Variants in SLC33A1 observed in about 807,000 individuals in gnomAD.
SLC33A1 encodes the protein solute carrier family 33 member 1.
A neutral mutation model predicts 50.0 loss-of-function variants in SLC33A1; 20 were observed. The observed-to-expected ratio is 0.40, with a 90% CI of 0.28 to 0.58. SLC33A1 has a LOEUF of 0.58. SLC33A1 is among the 20% of genes least tolerant of loss of function. SLC33A1 has a pLI of 0.44. For missense variants in SLC33A1, 476 were observed against 657.0 expected (o/e 0.72, Z 3.01); for synonymous variants, 265 against 251.8 (o/e 1.05, Z -0.50).
In SLC33A1 at chr3:155,822,034, A is replaced by C. The variant is rs1206104236; in HGVS notation, c.*6176T>G. 6.6e-6 allele frequency: 1 copy of C among 152,022 alleles called. No individual in the cohort carries two copies. The highest frequency in any genetic ancestry group is 6.6e-5 in the Admixed American group (1 of 15,238). The allele number at this position is 152,022 out of a possible 1,614,324, so 9.4% of individuals were successfully genotyped here. ...GTGATTCTCCTGCCTAAGCCTCCCA[A>C]ACTAATGGGACTACAGGTGTAAGCC... On this transcript the variant is annotated 3_prime_UTR_variant, in exon 6 of 6. Transcript: ENST00000643144.
In SLC33A1 at chr3:155,853,967, T is replaced by G. The variant is rs764800940; in HGVS notation, c.31A>C (p.Ser11Arg). Reference sequence around the variant, plus strand: ...AAATTCCCTGGCCGCCGTTGCCGGCTGCTGTCCTTGTGGGAGATGGTGGGT... The same window carrying G: ...AAATTCCCTGGCCGCCGTTGCCGGCGGCTGTCCTTGTGGGAGATGGTGGGT... Reference protein sequence around the residue: MSPTISHKDSSRQRRPGNFSH... With the variant: MSPTISHKDSRRQRRPGNFSH... The change falls in exon 1 of 6, where the codon AGC (serine) becomes CGC (arginine). Residue 11 changes from serine to arginine, a missense_variant. Transcript: ENST00000643144. The G allele has an allele frequency of 3.0e-5, 46 of 1,543,978 alleles. No individual in the cohort carries two copies. The highest frequency in any genetic ancestry group is 3.9e-5 in the Non-Finnish European group (45 of 1,150,840).
intron 4 of SLC33A1, among the ~76,000 whole-genome samples, chr3:155,831,305 A>C (rs191211597): frequency 6.6e-6 from 1 of 151,834 alleles, no homozygotes; most frequent in Non-Finnish European, 1.5e-5. Context: ...AAAATACAAA[A>C]ATCAGCTGGG....
Position 155,829,751 on chromosome 3 carries a change from G to T in SLC33A1, c.1419C>A (p.Pro473=). 2 of 1,614,022 alleles carry T rather than the reference G, an allele frequency of 1.2e-6. No homozygotes were observed. Among genetic ancestry groups the T allele is most frequent in the Non-Finnish European group, 8.5e-7 (1 of 1,179,980 alleles). The part of the protein sequence containing the change: ...PSTVALWLVD[P]LTVKECVGAS... ...CTCCTACACACTCTTTTACTGTGAG[G>T]GGATCTACAAGCCAAAGAGCTACTG... is the stretch of plus-strand genomic sequence containing the variant. Residue 473 remains proline (P), a synonymous_variant, in exon 5 of 6, where the codon CCC becomes CCA. Transcript: ENST00000643144.
intron 1 of SLC33A1, among the ~76,000 whole-genome samples, chr3:155,846,597 G>A (rs1327752907): frequency 6.6e-6 from 1 of 151,910 alleles, no homozygotes; most frequent in African/African-American, 2.4e-5. Flanking sequence ...GGGATTATAG[G>A]CATGCACCAC....
chr3:155,836,089 T>A (rs542775730), intron 2 of SLC33A1, among the ~76,000 whole-genome samples: 4 of 150,962 alleles, frequency 2.6e-5, no homozygotes, highest in Non-Finnish European at 5.9e-5. Context: ...TTTGAGACCA[T>A]CCTGGCCAAC....
At chr3:155,851,185 G>A (rs1753385305) in intron 1 of SLC33A1, among the ~76,000 whole-genome samples, 1 of 151,898 alleles carries the variant, frequency 6.6e-6, no homozygotes, top group Non-Finnish European at 1.5e-5. Context: ...AAATCGCAGT[G>A]AGCTGAGGTC....
intron 2 of SLC33A1, 48 bp downstream of exon 2, chr3:155,842,384 T>C (rs1181782565): frequency 4.2e-6 from 5 of 1,188,950 alleles, no homozygotes; most frequent in East Asian, 2.4e-5. Flanking sequence ...TATTCCATGA[T>C]ATTGATACTT....
chr3:155,839,947 A>C (rs1202743053), intron 2 of SLC33A1, among the ~76,000 whole-genome samples: 4 of 152,106 alleles, frequency 2.6e-5, no homozygotes, highest in African/African-American at 9.7e-5. Flanking sequence ...TCAGTCTCAA[A>C]ATAAAATAAA....
In SLC33A1 at chr3:155,827,655, T is replaced by C. The variant is rs1752241867; in HGVS notation, c.*555A>G. ...TTAACACAGATTCATTTGTACAATG[T>C]GGTCATAAGAAAAATAACTAAAATG... On this transcript the variant is annotated 3_prime_UTR_variant, in exon 6 of 6. Coordinates refer to ENST00000643144, the MANE Select transcript of SLC33A1 (RefSeq NM_004733.4). The C allele has an allele frequency of 6.5e-6, 1 of 152,678 alleles. No homozygotes were observed. The highest frequency in any genetic ancestry group is 1.5e-5 in the Non-Finnish European group (1 of 68,386). 9.5% of individuals were successfully genotyped at this position (152,678 alleles called of 1,614,324 possible). A position where few individuals can be genotyped will look rare whatever the true frequency, so the allele number is the denominator to read the frequency against.
At chr3:155,842,251 A>C (rs995220260) in intron 2 of SLC33A1, among the ~76,000 whole-genome samples, 181 bp downstream of exon 2, 7 of 152,330 alleles carry the variant, frequency 4.6e-5, no homozygotes, top group East Asian at 1.9e-4. Context: ...AGCTTACTTT[A>C]AAATTAAAGT....
rs2109297106 is a variant in SLC33A1, at chr3:155,823,400, T to G, written c.*4810A>C. 1 of 152,306 alleles carries G rather than the reference T, an allele frequency of 6.6e-6. No individual in the cohort carries two copies. The highest frequency in any genetic ancestry group is 2.1e-4 in the South Asian group (1 of 4,828). The allele number at this position is 152,306 out of a possible 1,614,324, so 9.4% of individuals were successfully genotyped here. A position where few individuals can be genotyped will look rare whatever the true frequency, so the allele number is the denominator to read the frequency against. ...CTAAAGTAAAAAGAGCCAGCAGCGG[T>G]GGCTCACGCCTGTAATCCCAGCACT... is the stretch of plus-strand genomic sequence containing the variant. On this transcript the variant is annotated 3_prime_UTR_variant, in exon 6 of 6. Transcript: ENST00000643144.
rs573724984 is a variant in SLC33A1, at chr3:155,831,085, A to G, written c.1267-1182T>C. ...TTTACAACATACACTCCTTGAGGGCAGGGATTTGGGCATGATTTATTAAGT... is the reference window on the plus strand; with the variant it reads ...TTTACAACATACACTCCTTGAGGGCGGGGATTTGGGCATGATTTATTAAGT... On this transcript the variant is annotated intron_variant, in intron 4 of 5. Coordinates refer to ENST00000643144, the MANE Select transcript of SLC33A1 (RefSeq NM_004733.4). Among the ~76,000 whole-genome samples the G allele has an allele frequency of 2.0e-5, 3 of 152,276 alleles. No individual in the cohort carries two copies. In the South Asian group the frequency reaches 6.2e-4, roughly 32 times the overall value.
At chr3:155,847,825 G>C (rs1404182370) in intron 1 of SLC33A1, among the ~76,000 whole-genome samples, 1 of 152,096 alleles carries the variant, frequency 6.6e-6, no homozygotes, top group East Asian at 1.9e-4. Context: ...ATTGTCATTA[G>C]TTTGGTTAGA....
At chr3:155,852,286 C>CA (rs1399483102) in intron 1 of SLC33A1, among the ~76,000 whole-genome samples, 1 of 151,650 alleles carries the variant, frequency 6.6e-6, no homozygotes, top group Non-Finnish European at 1.5e-5. Flanking sequence ...AGTGAGACAG[C>CA]CCCCCCGACC....
chr3:155,854,081 C>T lies in SLC33A1; in HGVS notation c.-84G>A, dbSNP rs1753529313. 8.5e-7 allele frequency: 1 copy of T among 1,181,954 alleles called. No individual in the cohort carries two copies. The highest frequency in any genetic ancestry group is 2.9e-5 in the Admixed American group (1 of 34,400). 73.2% of individuals were successfully genotyped at this position (1,181,954 alleles called of 1,614,324 possible). On this transcript the variant is annotated 5_prime_UTR_variant, in exon 1 of 6. Coordinates refer to ENST00000643144, the MANE Select transcript of SLC33A1 (RefSeq NM_004733.4). ...TCCAGTCCCAGGTCCAAGGCTGTCGCGCTGGACCAGGGTTTCGGTGGTTCA... is the reference window on the plus strand; with the variant it reads ...TCCAGTCCCAGGTCCAAGGCTGTCGTGCTGGACCAGGGTTTCGGTGGTTCA...
chr3:155,840,181 G>A (rs758554242), intron 2 of SLC33A1, among the ~76,000 whole-genome samples: 28 of 151,098 alleles, frequency 1.9e-4, no homozygotes, highest in South Asian at 2.1e-4. Context: ...TCCGCCTCCC[G>A]GGTTCCAGCG....
rs780342840 is a variant in SLC33A1 at position 155,853,718 on chromosome 3, T to A, written c.280A>T (p.Ser94Cys). 1.4e-5 allele frequency: 23 copies of A among 1,614,030 alleles called. No homozygotes were observed. Among genetic ancestry groups the A allele is most frequent in the Non-Finnish European group, 1.6e-5 (19 of 1,180,044 alleles). Residue 94 changes from serine to cysteine, a missense_variant, in exon 1 of 6, where the codon AGC becomes TGC. Coordinates refer to ENST00000643144, the MANE Select transcript of SLC33A1 (RefSeq NM_004733.4). ...TTGCTTTGCAAAATGAGTGGGATGC[T>A]TCCCGCCAAGCCCAGGGGAATACCC... ...LQGIPLGLAG[S>C]IPLILQSKNV...
intron 1 of SLC33A1, among the ~76,000 whole-genome samples, chr3:155,846,579 A>T (rs1438116697): frequency 6.6e-6 from 1 of 151,094 alleles, no homozygotes; most frequent in African/African-American, 2.4e-5. Flanking sequence ...TCAGCCTCCC[A>T]AGTAGCTGGG....
intron 4 of SLC33A1, among the ~76,000 whole-genome samples, chr3:155,830,660 C>T (rs550407483): frequency 6.6e-6 from 1 of 151,960 alleles, no homozygotes; most frequent in South Asian, 2.1e-4. Context: ...CAGCAAAATG[C>T]AAAACCTCAT....
Sources: gnomAD v4.1 joint callset for allele counts (sites outside exome capture counted in the v4.1 genomes callset) on GRCh38, gnomAD v4.1.1 for gene constraint, MANE v1.5 for transcripts, NCBI Gene and HGNC (gene_info 2026-07-23, HGNC 2026-07-21) for gene names.